KLHL1: variants seen among roughly 807,000 people sequenced by gnomAD.
The protein encoded by KLHL1 is kelch like family member 1.
In KLHL1, 47 loss-of-function variants were observed where a neutral mutation model predicts 77.7. The ratio of observed to expected loss-of-function variants is 0.60; its 90% CI spans 0.48 to 0.77. The LOEUF is 0.77. Among genes scored for constraint, KLHL1 ranks in the 30% least tolerant of loss-of-function variants. The pLI is 0.00. For missense variants in KLHL1, 925 were observed against 910.8 expected (o/e 1.02, Z -0.20); for synonymous variants, 360 against 325.2 (o/e 1.11, Z -1.15).
chr13:69,940,539 G>C (rs56156636), intron 3 of KLHL1, among the ~76,000 whole-genome samples: 7,253 of 151,996 alleles, frequency 0.048, 231 homozygotes, highest in African/African-American at 0.095. Context: ...GAAAAATAAG[G>C]TTCAGAATAT....
Position 69,827,686 on chromosome 13 carries a change from G to A in KLHL1, c.1414+11290C>T, listed in dbSNP as rs182841033. Among the ~76,000 whole-genome samples, 90 of 146,734 alleles carry A rather than the reference G, an allele frequency of 6.1e-4. 1 individual carries two copies. In the South Asian group the frequency reaches 0.018, roughly 30 times the overall value. On this transcript the variant is annotated intron_variant, in intron 6 of 10. Coordinates refer to ENST00000377844, the MANE Select transcript of KLHL1 (RefSeq NM_020866.3). ...TCAGAGGTTTCAGTGAGCCAAGATC[G>A]TGCCACTGCACTCCAGCCTGGCGAC...
At chr13:69,898,668 A>G (rs1881736818) in intron 4 of KLHL1, among the ~76,000 whole-genome samples, 1 of 152,160 alleles carries the variant, frequency 6.6e-6, no homozygotes, top group South Asian at 2.1e-4. Flanking sequence ...CCAAGCCCCA[A>G]AAGGACTTGC....
intron 4 of KLHL1, among the ~76,000 whole-genome samples, chr13:69,908,434 A>G (rs1230366451): frequency 6.6e-6 from 1 of 151,342 alleles, no homozygotes; most frequent in Non-Finnish European, 1.5e-5. Flanking sequence ...TATTCTTTCT[A>G]TATCTCAAAC....
At chr13:69,872,495 C>T (rs1163141853) in intron 5 of KLHL1, among the ~76,000 whole-genome samples, 1 of 152,080 alleles carries the variant, frequency 6.6e-6, no homozygotes, top group Non-Finnish European at 1.5e-5. Context: ...ATCTTCATTA[C>T]CATAATACAC....
chr13:69,808,433 T>C (rs533653232), intron 6 of KLHL1, among the ~76,000 whole-genome samples: 2 of 152,128 alleles, frequency 1.3e-5, no homozygotes, highest in African/African-American at 2.4e-5. Flanking sequence ...TACACAAACC[T>C]TTCTGCAACT....
intron 6 of KLHL1, among the ~76,000 whole-genome samples, chr13:69,835,404 A>T (rs1878946814): frequency 6.6e-6 from 1 of 152,174 alleles, no homozygotes; most frequent in Non-Finnish European, 1.5e-5. Flanking sequence ...AGAGAGAGCT[A>T]AAGGAATACA....
chr13:70,040,513 C>T (rs775642704), intron 1 of KLHL1, among the ~76,000 whole-genome samples: 10 of 152,138 alleles, frequency 6.6e-5, no homozygotes, highest in Non-Finnish European at 1.2e-4. Context: ...TCTCTTTAGG[C>T]ACTTGAAAAC....
At chr13:69,897,911 C>T (rs570406105) in intron 4 of KLHL1, among the ~76,000 whole-genome samples, 19 of 152,290 alleles carry the variant, frequency 1.2e-4, no homozygotes, top group Admixed American at 1.1e-3. Flanking sequence ...TTACTGAGTC[C>T]AGTTAAACCT....
At chr13:70,060,605 A>G (rs557151116) in intron 1 of KLHL1, among the ~76,000 whole-genome samples, 2 of 152,062 alleles carry the variant, frequency 1.3e-5, no homozygotes, top group South Asian at 4.1e-4. Context: ...GCACTTTGGG[A>G]GGCTGAGGCG....
At chr13:69,894,329 T>C (rs867589486) in intron 4 of KLHL1, 3 of 155,954 alleles carry the variant, frequency 1.9e-5, no homozygotes, top group African/African-American at 7.2e-5. Flanking sequence ...TTCCATCAGG[T>C]AGGGGGAAAT....
intron 7 of KLHL1, among the ~76,000 whole-genome samples, chr13:69,765,380 A>G (rs555452061): frequency 5.3e-5 from 8 of 152,190 alleles, no homozygotes; most frequent in African/African-American, 1.9e-4. Context: ...CTTATACAAA[A>G]TATTAAAGAC....
chr13:70,071,521 G>A (rs1208409879), intron 1 of KLHL1, among the ~76,000 whole-genome samples: 1 of 151,988 alleles, frequency 6.6e-6, no homozygotes, highest in African/African-American at 2.4e-5. Flanking sequence ...AGCAGAATAT[G>A]CGATCTTCTC....
intron 7 of KLHL1, among the ~76,000 whole-genome samples, chr13:69,745,092 G>A (rs76130333): frequency 2.0e-4 from 30 of 151,634 alleles, no homozygotes; most frequent in Admixed American, 4.6e-4. Flanking sequence ...GAGGAACCCC[G>A]TTGTCTGATA....
At position 70,020,964 on chromosome 13, in the gene KLHL1, C is replaced by G. The variant is rs371531805; in HGVS notation, c.498-45162G>C. On this transcript the variant is annotated intron_variant, in intron 1 of 10. Coordinates refer to ENST00000377844, the MANE Select transcript of KLHL1 (RefSeq NM_020866.3). ...CCTGCTTCTGTGTACGTATAGCCTC[C>G]CCTATTATCAACATCCCCCACCAGA... Among the ~76,000 whole-genome samples, 21 of 152,036 alleles carry G rather than the reference C, an allele frequency of 1.4e-4. No homozygotes were observed. The East Asian group carries it at 4.1e-3, about 29-fold the overall frequency.
At chr13:69,725,140 C>A (rs1457667143) in intron 8 of KLHL1, among the ~76,000 whole-genome samples, 1 of 152,140 alleles carries the variant, frequency 6.6e-6, no homozygotes, top group Non-Finnish European at 1.5e-5. Context: ...GGTCAAGGAA[C>A]AATTCTCTAC....
At chr13:70,081,358 A>C (rs1334304045) in intron 1 of KLHL1, among the ~76,000 whole-genome samples, 1 of 152,162 alleles carries the variant, frequency 6.6e-6, no homozygotes, top group Non-Finnish European at 1.5e-5. Context: ...TCCTCTACTT[A>C]GGGAATTACA....
intron 1 of KLHL1, among the ~76,000 whole-genome samples, chr13:70,081,945 A>G (rs986712906): frequency 2.6e-5 from 4 of 152,148 alleles, no homozygotes; most frequent in Non-Finnish European, 4.4e-5. Flanking sequence ...GTAATCCCCA[A>G]TGTGGGAGGA....
At chr13:70,026,412 CAG>C (rs936336512) in intron 1 of KLHL1, among the ~76,000 whole-genome samples, 87 of 151,994 alleles carry the variant, frequency 5.7e-4, no homozygotes, top group African/African-American at 2.0e-3. Flanking sequence ...TTTAAGAACT[CAG>C]AAATACAGTG....
chr13:69,814,892 T>C (rs985374775), intron 6 of KLHL1, among the ~76,000 whole-genome samples: 1 of 152,140 alleles, frequency 6.6e-6, no homozygotes, highest in East Asian at 1.9e-4. Context: ...GTGCCTGTAG[T>C]CCCAGCTACT....
Sources: allele counts gnomAD v4.1 joint callset (sites outside exome capture counted in the v4.1 genomes callset), GRCh38; gene constraint gnomAD v4.1.1; transcripts MANE v1.5; gene names NCBI Gene and HGNC (gene_info 2026-07-23, HGNC 2026-07-21).